The following BARD1 variants were observed in gnomAD, a reference collection of about 807,000 sequenced individuals.
BARD1 encodes BRCA1 associated RING domain 1.
Under a neutral mutation model 77.0 loss-of-function variants are expected in BARD1, and 73 were observed. That is an observed-to-expected ratio of 0.95 (90% confidence interval 0.79 to 1.15). The LOEUF (loss-of-function observed/expected upper bound fraction) is 1.15. Among genes scored for constraint, BARD1 ranks in the 50% most tolerant of loss-of-function variants. The pLI is 0.00. For synonymous variants in BARD1, 384 were observed against 338.0 expected (o/e 1.14, Z -1.49); for missense variants, 993 against 938.8 (o/e 1.06, Z -0.75).
At chr2:214,753,121 A>G (rs1315926198) in intron 6 of BARD1, among the ~76,000 whole-genome samples, 1 of 152,192 alleles carries the variant, frequency 6.6e-6, no homozygotes, top group African/African-American at 2.4e-5. Flanking sequence ...CAAACTTCTC[A>G]GCATGTACTA....
intron 7 of BARD1, among the ~76,000 whole-genome samples, chr2:214,746,978 G>A (rs1291682929): frequency 6.6e-6 from 1 of 151,958 alleles, no homozygotes; most frequent in African/African-American, 2.4e-5. Flanking sequence ...CTAATATCCA[G>A]GATCTACAAT....
At position 214,780,604 on chromosome 2, in the gene BARD1, T is replaced by C. The variant is rs1553622123; in HGVS notation, c.1270A>G (p.Arg424Gly). Residue 424 changes from arginine (R) to glycine (G), a missense_variant, in exon 4 of 11, where the codon AGA (arginine) becomes GGA (glycine). Coordinates refer to ENST00000260947, the MANE Select transcript of BARD1 (RefSeq NM_000465.4). ...AGCAAAGTCTCTCCTCTATGATTTC[T>C]TTTCACAGCCATATTGGGCAACAGC... ...MKLLPNMAVK[R>G]NHRGETLLHI... is the part of the protein sequence containing the mutation. 1.9e-6 allele frequency: 3 copies of C among 1,614,066 alleles called. No homozygotes were observed. The highest frequency in any genetic ancestry group is 4.5e-5 in the East Asian group (2 of 44,876).
chr2:214,770,381 AATGTT>A (rs1318903313), intron 4 of BARD1, among the ~76,000 whole-genome samples: 1 of 152,220 alleles, frequency 6.6e-6, no homozygotes, highest in East Asian at 1.9e-4. Context: ...GCTATGCAAC[AATGTT>A]ATAACAGTAG....
At chr2:214,735,335 G>A (rs78691983) in intron 9 of BARD1, among the ~76,000 whole-genome samples, 1,560 of 152,236 alleles carry the variant, frequency 0.01, 27 homozygotes, top group African/African-American at 0.035. Context: ...TGTTTACAGC[G>A]TGAGAGCTGA....
intron 1 of BARD1, among the ~76,000 whole-genome samples, chr2:214,801,409 C>A (rs996672064): frequency 6.6e-6 from 1 of 152,142 alleles, no homozygotes; most frequent in Admixed American, 6.5e-5. Context: ...ACTTATCTGT[C>A]GTTCATTTAA....
At chr2:214,786,931 A>C (rs1695300610) in intron 3 of BARD1, among the ~76,000 whole-genome samples, 1 of 152,002 alleles carries the variant, frequency 6.6e-6, no homozygotes, top group Admixed American at 6.6e-5. Context: ...TAGATTTCAA[A>C]ACCAAGTCAC....
At chr2:214,801,161 A>T (rs988130246) in intron 1 of BARD1, among the ~76,000 whole-genome samples, 1 of 152,224 alleles carries the variant, frequency 6.6e-6, no homozygotes, top group Admixed American at 6.5e-5. Flanking sequence ...AACTTTATTT[A>T]AAAACATTTT....
At chr2:214,744,833 G>A (rs1413647316) in intron 9 of BARD1, among the ~76,000 whole-genome samples, 1 of 151,880 alleles carries the variant, frequency 6.6e-6, no homozygotes, top group African/African-American at 2.4e-5. Flanking sequence ...GGGCTTCACC[G>A]TGTTAGCCAG....
intron 3 of BARD1, among the ~76,000 whole-genome samples, chr2:214,784,273 A>G (rs942895410): frequency 6.6e-6 from 1 of 152,050 alleles, no homozygotes; most frequent in African/African-American, 2.4e-5. Flanking sequence ...AACAAACACG[A>G]AAAAAAAGCT....
intron 1 of BARD1, among the ~76,000 whole-genome samples, chr2:214,805,364 G>A (rs1696220277): frequency 6.6e-6 from 1 of 152,256 alleles, no homozygotes; most frequent in African/African-American, 2.4e-5. Flanking sequence ...CCCTTACACA[G>A]TGTCTCAGTG....
At chr2:214,771,486 T>G (rs1694485614) in intron 4 of BARD1, among the ~76,000 whole-genome samples, 1 of 152,142 alleles carries the variant, frequency 6.6e-6, no homozygotes, top group South Asian at 2.1e-4. Context: ...TCCCAGCACT[T>G]TGGGAGGCTG....
intron 4 of BARD1, among the ~76,000 whole-genome samples, chr2:214,776,108 C>A (rs1479477373): frequency 6.6e-6 from 1 of 152,136 alleles, no homozygotes; most frequent in Non-Finnish European, 1.5e-5. Flanking sequence ...GTCTACATCA[C>A]TAATAAATCA....
At chr2:214,750,169 C>G (rs369378521) in intron 7 of BARD1, among the ~76,000 whole-genome samples, 1 of 152,190 alleles carries the variant, frequency 6.6e-6, no homozygotes, top group South Asian at 2.1e-4. Flanking sequence ...CTCTCTAAAA[C>G]TCTTCTTCTT....
At chr2:214,744,984 G>A in intron 9 of BARD1, 83 bp downstream of exon 9, 1 of 1,202,140 alleles carries the variant, frequency 8.3e-7, no homozygotes, top group South Asian at 1.3e-5. Flanking sequence ...TTAACATCAA[G>A]TTCCTTAATC....
At chr2:214,804,881 G>A (rs1426758831) in intron 1 of BARD1, among the ~76,000 whole-genome samples, 7 of 152,198 alleles carry the variant, frequency 4.6e-5, no homozygotes, top group South Asian at 4.2e-4. Context: ...TTCGCATCTC[G>A]GCCTGGTGTG....
intron 1 of BARD1, among the ~76,000 whole-genome samples, chr2:214,807,487 A>G (rs1389997485): frequency 1.3e-5 from 2 of 152,198 alleles, no homozygotes; most frequent in Non-Finnish European, 2.9e-5. Flanking sequence ...TTAGATTAAG[A>G]CACACATTAT....
chr2:214,807,713 T>C (rs1384006721), intron 1 of BARD1, among the ~76,000 whole-genome samples: 1 of 133,716 alleles, frequency 7.5e-6, no homozygotes, highest in African/African-American at 2.8e-5. Flanking sequence ...AAGCTAATCA[T>C]TAGTATTACT....
intron 6 of BARD1, among the ~76,000 whole-genome samples, chr2:214,754,017 A>G (rs1030051500): frequency 7.9e-5 from 12 of 152,286 alleles, no homozygotes; most frequent in African/African-American, 2.6e-4. Context: ...ATACATTTAC[A>G]GCAGACAATC....
At position 214,726,059 on chromosome 2, in the gene BARD1, G is replaced by C. The variant is rs1270390169; in HGVS notation, c.*2617C>G. ...GTGCAAAAAAAAAAAAAGGTGGGGGGACCGATGAAATAAAGGAAAAATTCT... is the reference window on the plus strand; with the variant it reads ...GTGCAAAAAAAAAAAAAGGTGGGGGCACCGATGAAATAAAGGAAAAATTCT... On this transcript the variant is annotated 3_prime_UTR_variant, in exon 11 of 11. Coordinates refer to ENST00000260947, the MANE Select transcript of BARD1 (RefSeq NM_000465.4). 4.6e-6 allele frequency: 1 copy of C among 218,886 alleles called. No homozygotes were observed. The highest frequency in any genetic ancestry group is 2.2e-5 in the African/African-American group (1 of 44,492). The allele number at this position is 218,886 out of a possible 1,614,324, so 13.6% of individuals were successfully genotyped here.
Sources: allele counts gnomAD v4.1 joint callset (sites outside exome capture counted in the v4.1 genomes callset), GRCh38; gene constraint gnomAD v4.1.1; transcripts MANE v1.5; gene names NCBI Gene and HGNC (gene_info 2026-07-23, HGNC 2026-07-21).